ARHGAP42: variants seen among roughly 807,000 people sequenced by gnomAD.
ARHGAP42 encodes the protein rho GTPase-activating protein 42.
ARHGAP42 carries 63 observed loss-of-function variants against 125.0 expected under a neutral mutation model. That is an observed-to-expected ratio of 0.50 (90% confidence interval 0.41 to 0.62). The LOEUF (loss-of-function observed/expected upper bound fraction) is 0.62. ARHGAP42 is among the 20% of genes least tolerant of loss of function. ARHGAP42 has a pLI of 0.00. For synonymous variants in ARHGAP42, 339 were observed against 351.0 expected, an observed-to-expected ratio of 0.97 and a Z score of 0.38; for missense variants, 766 against 1,024.2, an observed-to-expected ratio of 0.75 and a Z score of 3.44.
chr11:100,940,217 A>G (rs1867839873), intron 8 of ARHGAP42, among the ~76,000 whole-genome samples: 1 of 152,208 alleles, frequency 6.6e-6, no homozygotes, highest in South Asian at 2.1e-4. Flanking sequence ...AAAGAAAAAA[A>G]TTAAATGGCT....
At chr11:100,789,923 T>A (rs2135024259) in intron 2 of ARHGAP42, among the ~76,000 whole-genome samples, 1 of 152,354 alleles carries the variant, frequency 6.6e-6, no homozygotes, top group East Asian at 1.9e-4. Flanking sequence ...ATTGTCTGAT[T>A]ATGATATAAA....
At chr11:100,913,348 G>A (rs76928421) in intron 4 of ARHGAP42, 104 bp from the exon 5 acceptor site, 21,035 of 383,524 alleles carry the variant, frequency 0.055, 932 homozygotes, top group East Asian at 0.25. Flanking sequence ...GGGACTCACT[G>A]TCTTTATTAA....
At chr11:100,956,845 T>C (rs1434965510) in intron 12 of ARHGAP42, among the ~76,000 whole-genome samples, 1 of 152,114 alleles carries the variant, frequency 6.6e-6, no homozygotes, top group Non-Finnish European at 1.5e-5. Flanking sequence ...TCCATGAATA[T>C]TTTAAAAATA....
chr11:100,918,810 A>G (rs934424777), intron 5 of ARHGAP42, among the ~76,000 whole-genome samples: 3 of 152,214 alleles, frequency 2.0e-5, no homozygotes, highest in Non-Finnish European at 4.4e-5. Context: ...ATAAGTGGCA[A>G]GCAGCAAGAG....
chr11:100,958,930 AT>A (rs5794087), intron 12 of ARHGAP42, among the ~76,000 whole-genome samples: 89,333 of 151,520 alleles, frequency 0.59, 27,141 homozygotes, highest in African/African-American at 0.68. Context: ...TTTTATCATA[AT>A]TTTTTTGATA....
At chr11:100,978,914 A>G (rs1420567155) in intron 21 of ARHGAP42, 73 bp from the exon 22 acceptor site, 1 of 1,452,478 alleles carries the variant, frequency 6.9e-7, no homozygotes, top group Non-Finnish European at 9.4e-7. Flanking sequence ...TTAACTGGCA[A>G]TCATGAATTT....
chr11:100,721,520 T>A (rs1340954265), intron 1 of ARHGAP42, among the ~76,000 whole-genome samples: 1 of 151,890 alleles, frequency 6.6e-6, no homozygotes, highest in East Asian at 1.9e-4. Context: ...TCACCCAGCC[T>A]GGAGTGCAGT....
At chr11:100,983,588 G>T (rs567724484) in intron 22 of ARHGAP42, among the ~76,000 whole-genome samples, 2 of 152,126 alleles carry the variant, frequency 1.3e-5, no homozygotes, top group Non-Finnish European at 2.9e-5. Context: ...ACACACAATA[G>T]ATGCTCAATA....
At chr11:100,976,746 A>T (rs895331731) in intron 20 of ARHGAP42, 69 bp from the exon 21 acceptor site, 11 of 1,515,734 alleles carry the variant, frequency 7.3e-6, no homozygotes. Flanking sequence ...TTTGTTATGC[A>T]CATGTACGTG....
chr11:100,988,599 AT>A lies in ARHGAP42; in HGVS notation c.2537-113del, dbSNP rs1041216559. On this transcript the variant is annotated intron_variant, in intron 23 of 23. Coordinates refer to ENST00000298815, the MANE Select transcript of ARHGAP42 (RefSeq NM_152432.4). ...GTATCCACAAGGGGTCCTGGAACTAATCCCCCACAGATACTGAGGACTGACA... is the reference window on the plus strand; with the variant it reads ...GTATCCACAAGGGGTCCTGGAACTAACCCCCACAGATACTGAGGACTGACA... 8.6e-5 allele frequency: 67 copies of A among 779,686 alleles called. 1 individual carries two copies. Among genetic ancestry groups the A allele is most frequent in the Non-Finnish European group, 1.2e-4 (61 of 492,442 alleles). The allele number at this position is 779,686 out of a possible 1,614,324, so 48.3% of individuals were successfully genotyped here.
At chr11:100,812,415 A>C (rs1015025368) in intron 3 of ARHGAP42, among the ~76,000 whole-genome samples, 2 of 152,230 alleles carry the variant, frequency 1.3e-5, no homozygotes, top group Non-Finnish European at 2.9e-5. Flanking sequence ...CTCTGGTCAA[A>C]AAGAGCTTCT....
intron 1 of ARHGAP42, among the ~76,000 whole-genome samples, chr11:100,733,017 A>G (rs1861987533): frequency 6.6e-6 from 1 of 152,232 alleles, no homozygotes; most frequent in African/African-American, 2.4e-5. Context: ...TAATATTTCA[A>G]AGTAAATCAC....
chr11:100,795,102 C>A lies in ARHGAP42; in HGVS notation c.251-3C>A. 6.5e-7 allele frequency: 1 copy of A among 1,539,522 alleles called. No individual in the cohort carries two copies. The highest frequency in any genetic ancestry group is 1.2e-5 in the South Asian group (1 of 81,064). Reference sequence around the variant, plus strand: ...CTTTGCATTTTTTTATCTTTCCAAACAGCTCAGTCACTAAAAGAATTTGCA... The same window carrying A: ...CTTTGCATTTTTTTATCTTTCCAAAAAGCTCAGTCACTAAAAGAATTTGCA... On this transcript the variant is annotated splice_region_variant and splice_polypyrimidine_tract_variant and intron_variant, in intron 2 of 23. Coordinates refer to ENST00000298815, the MANE Select transcript of ARHGAP42 (RefSeq NM_152432.4).
chr11:100,774,807 G>A (rs1011246239), intron 2 of ARHGAP42, among the ~76,000 whole-genome samples: 12 of 152,204 alleles, frequency 7.9e-5, no homozygotes, highest in African/African-American at 2.7e-4. Flanking sequence ...TGTCTGGCCT[G>A]TACATCTGTC....
chr11:100,986,990 A>G (rs149859222), intron 22 of ARHGAP42, among the ~76,000 whole-genome samples: 1 of 152,194 alleles, frequency 6.6e-6, no homozygotes, highest in African/African-American at 2.4e-5. Flanking sequence ...CATCTTCTTG[A>G]TGGTGAAGCT....
intron 1 of ARHGAP42, among the ~76,000 whole-genome samples, chr11:100,702,057 G>A (rs1861406995): frequency 6.6e-6 from 1 of 151,788 alleles, no homozygotes; most frequent in Non-Finnish European, 1.5e-5. Context: ...GGCCAAGGTG[G>A]GCAGATTGCT....
intron 1 of ARHGAP42, among the ~76,000 whole-genome samples, chr11:100,704,989 G>T (rs1212222333): frequency 8.9e-6 from 1 of 112,952 alleles, no homozygotes. Flanking sequence ...GCCTGGGTGA[G>T]CCAAACCCCA....
chr11:100,837,992 G>T (rs566483923), intron 3 of ARHGAP42, among the ~76,000 whole-genome samples: 25 of 67,624 alleles, frequency 3.7e-4, no homozygotes, highest in Non-Finnish European at 4.4e-4. Flanking sequence ...GGCTCTGTTT[G>T]TGTTGTTCTT....
rs1867951738 is a variant in ARHGAP42, at chr11:100,943,988, A to G, written c.1043+120A>G. 1.4e-5 allele frequency: 9 copies of G among 631,984 alleles called. No homozygotes were observed. In the South Asian group the frequency reaches 1.8e-4, roughly 12 times the overall value. 39.1% of individuals were successfully genotyped at this position (631,984 alleles called of 1,614,324 possible). On this transcript the variant is annotated intron_variant, in intron 10 of 23. Coordinates refer to ENST00000298815, the MANE Select transcript of ARHGAP42 (RefSeq NM_152432.4). ...TTTAGTCTTTTAAAAAACAGTATAC[A>G]TGTTTATCTCTTTCTTTCATGTTGT...
Sources: gnomAD v4.1 joint callset for allele counts (sites outside exome capture counted in the v4.1 genomes callset) on GRCh38, gnomAD v4.1.1 for gene constraint, MANE v1.5 for transcripts, NCBI Gene and HGNC (gene_info 2026-07-23, HGNC 2026-07-21) for gene names.